The following NOS1 variants were observed in gnomAD, a reference collection of about 807,000 sequenced individuals.
NOS1 encodes nitric oxide synthase 1, also known as NOS type I.
NOS1 carries 51 observed loss-of-function variants against 164.5 expected under a neutral mutation model. The ratio of observed to expected loss-of-function variants is 0.31; its 90% CI spans 0.25 to 0.39. The LOEUF (loss-of-function observed/expected upper bound fraction) is 0.39, where lower values mean the gene tolerates loss of function less well. Among genes scored for constraint, NOS1 ranks in the 10% least tolerant of loss-of-function variants. NOS1 has a pLI of 1.00. For synonymous variants in NOS1, 719 were observed against 745.8 expected, an observed-to-expected ratio of 0.96 and a Z score of 0.59; for missense variants, 1,362 against 1,885.6, an observed-to-expected ratio of 0.72 and a Z score of 5.14.
intron 20 of NOS1, among the ~76,000 whole-genome samples, chr12:117,240,584 T>C (rs1265411292): frequency 1.3e-5 from 2 of 152,226 alleles, no homozygotes; most frequent in East Asian, 3.8e-4. Context: ...TCACTTGTGT[T>C]TTCTAGCTGT....
chr12:117,242,502 G>T (rs1360145273), intron 20 of NOS1, 125 bp downstream of exon 20: 1 of 789,496 alleles, frequency 1.3e-6, no homozygotes, highest in African/African-American at 1.7e-5. Flanking sequence ...GCAGCAAGGG[G>T]GTCTCTATGG....
chr12:117,286,191 G>A lies in NOS1; in HGVS notation c.1203C>T (p.Leu401=). The change falls in exon 6 of 29, where the codon CTC becomes CTT. Residue 401 remains leucine (L), a synonymous_variant. Transcript: ENST00000317775. ...KEIDTTSTYQ[L]KDTELIYGAK... ...CCCCATAGATGAGCTCTGTGTCCTTGAGCTGGTAAGTGCTAGTGGTGTCGA... is the reference window on the plus strand; with the variant it reads ...CCCCATAGATGAGCTCTGTGTCCTTAAGCTGGTAAGTGCTAGTGGTGTCGA... 1 of 1,614,190 alleles carries A rather than the reference G, an allele frequency of 6.2e-7. No homozygotes were observed. The highest frequency in any genetic ancestry group is 8.5e-7 in the Non-Finnish European group (1 of 1,180,044).
intron 7 of NOS1, among the ~76,000 whole-genome samples, chr12:117,282,812 T>C (rs1005140717): frequency 2.6e-5 from 4 of 152,158 alleles, no homozygotes; most frequent in Non-Finnish European, 5.9e-5. Flanking sequence ...GGTGTTTGTG[T>C]AATGTGTATA....
intron 5 of NOS1, 35 bp from the exon 6 acceptor site, chr12:117,286,301 C>T (rs1264876974): frequency 6.2e-7 from 1 of 1,609,370 alleles, no homozygotes; most frequent in Non-Finnish European, 8.5e-7. Flanking sequence ...GAACATCACC[C>T]CCTCTTCTGA....
rs1956571028 is a variant in NOS1 at position 117,214,380 on chromosome 12, G to A, written c.*929C>T. The A allele has an allele frequency of 1.0e-6, 1 of 985,040 alleles. No individual in the cohort carries two copies. Among genetic ancestry groups the A allele is most frequent in the Admixed American group, 6.2e-5 (1 of 16,248 alleles). 61.0% of individuals were successfully genotyped at this position (985,040 alleles called of 1,614,324 possible). A position where few individuals can be genotyped will look rare whatever the true frequency, so the allele number is the denominator to read the frequency against. Reference sequence around the variant, plus strand: ...ATCCTTATTGCCACCAGGCTTCTTTGAACAACATAACTTCCAGGCCCCTTG... The same window carrying A: ...ATCCTTATTGCCACCAGGCTTCTTTAAACAACATAACTTCCAGGCCCCTTG... On this transcript the variant is annotated 3_prime_UTR_variant, in exon 29 of 29. Transcript: ENST00000317775.
chr12:117,246,839 T>C (rs545656533), intron 18 of NOS1, among the ~76,000 whole-genome samples: 44 of 152,330 alleles, frequency 2.9e-4, no homozygotes, highest in South Asian at 1.7e-3. Context: ...GAATATTCCA[T>C]TGCATTGATG....
At chr12:117,287,103 T>A (rs931866265) in intron 5 of NOS1, among the ~76,000 whole-genome samples, 12 of 151,986 alleles carry the variant, frequency 7.9e-5, no homozygotes, top group Non-Finnish European at 1.8e-4. Context: ...TAATCCCAGC[T>A]ACTCAGGAGG....
rs770948047 is a variant in NOS1, at chr12:117,234,573, G to T, written c.3227C>A (p.Thr1076Lys). Residue 1076 changes from threonine (T) to lysine (K), a missense_variant, in exon 21 of 29, where the codon ACG (threonine) becomes AAG (lysine). Thr to Lys is a moderately conservative substitution (Grantham distance 78). Transcript: ENST00000317775. The surrounding 1 kb of genome is among the most constrained non-coding windows in gnomAD (Gnocchi z 4.3). ...GTCCCCGGGAATGTTACCTAAAGCC[G>T]TGTTCCGCTCCTCCAGCAGTTCCAC... ...VKVELLEERN[T>K]ALGVISNWTD... The T allele has an allele frequency of 1.9e-6, 3 of 1,613,482 alleles. No individual in the cohort carries two copies.
intron 13 of NOS1, among the ~76,000 whole-genome samples, chr12:117,261,908 T>C (rs1161587222): frequency 6.6e-6 from 1 of 152,162 alleles, no homozygotes; most frequent in Non-Finnish European, 1.5e-5. Flanking sequence ...CCAGTGTCTC[T>C]TCCTTCTGCT....
rs755161603 is a variant in NOS1 at position 117,258,473 on chromosome 12, T to C, written c.2473-18A>G. On this transcript the variant is annotated intron_variant, in intron 15 of 28. Transcript: ENST00000317775. Reference sequence around the variant, plus strand: ...CCGAATTTCTGGAAGCCAAAACATATGGGTGAAATTAGCACATCTTAGTAA... The same window carrying C: ...CCGAATTTCTGGAAGCCAAAACATACGGGTGAAATTAGCACATCTTAGTAA... The C allele has an allele frequency of 3.1e-6, 5 of 1,613,250 alleles. No individual in the cohort carries two copies. In the African/African-American group the frequency reaches 6.7e-5, roughly 22 times the overall value.
rs193265585 is a variant in NOS1, at chr12:117,243,922, A to G, written c.2824-487T>C. 6.6e-6 allele frequency among the ~76,000 whole-genome samples: 1 copy of G among 152,210 alleles called. No homozygotes were observed. Among genetic ancestry groups the G allele is most frequent in the Admixed American group, 6.5e-5 (1 of 15,294 alleles). ...CAGGCATGCATCCATCCATTCATCT[A>G]TCCATCCATCCATCCTATATATTTT... On this transcript the variant is annotated intron_variant, in intron 18 of 28. Transcript: ENST00000317775. This position sits in a 1 kb window ranked among gnomAD's most constrained non-coding sequence, Gnocchi z 4.3.
chr12:117,211,845 A>C lies in NOS1; in HGVS notation c.*3464T>G, dbSNP rs572303918. ...TTTGGGAGGCTGAGGTGCGTGGATC[A>C]TTTGAGGTCAGGAATTCAAGACCAG... On this transcript the variant is annotated 3_prime_UTR_variant, in exon 29 of 29. Coordinates refer to ENST00000317775, the MANE Select transcript of NOS1 (RefSeq NM_000620.5). 46 of 962,696 alleles carry C rather than the reference A, an allele frequency of 4.8e-5. No individual in the cohort carries two copies. The South Asian group carries it at 2.1e-3, about 43-fold the overall frequency. The allele number at this position is 962,696 out of a possible 1,614,324, so 59.6% of individuals were successfully genotyped here.
chr12:117,258,990 G>C lies in NOS1; in HGVS notation c.2472+36C>G, dbSNP rs41325947. On this transcript the variant is annotated intron_variant, in intron 15 of 28. Coordinates refer to ENST00000317775, the MANE Select transcript of NOS1 (RefSeq NM_000620.5). ...TGGCCCCTACTTCTTCCTGATGATG[G>C]AACCACACTCTTGAACAGGTAAAAG... 9.5e-4 allele frequency: 1,417 copies of C among 1,492,660 alleles called. 5 individuals are homozygous for C. Among genetic ancestry groups the C allele is most frequent in the African/African-American group, 8.8e-3 (641 of 72,506 alleles). 92.5% of individuals were successfully genotyped at this position (1,492,660 alleles called of 1,614,324 possible). A position where few individuals can be genotyped will look rare whatever the true frequency, so the allele number is the denominator to read the frequency against.
At position 117,213,133 on chromosome 12, in the gene NOS1, C is replaced by A. The variant is rs1956553563; in HGVS notation, c.*2176G>T. The A allele has an allele frequency of 3.0e-6, 3 of 985,280 alleles. No individual in the cohort carries two copies. In the African/African-American group the frequency reaches 5.2e-5, roughly 17 times the overall value. The allele number at this position is 985,280 out of a possible 1,614,324, so 61.0% of individuals were successfully genotyped here. ...TGTAAGCGCTTCTAAGTATTTATTCCCTGATGGAAAAGCATTCCTGCATAA... is the reference window on the plus strand; with the variant it reads ...TGTAAGCGCTTCTAAGTATTTATTCACTGATGGAAAAGCATTCCTGCATAA... On this transcript the variant is annotated 3_prime_UTR_variant, in exon 29 of 29. Transcript: ENST00000317775.
At chr12:117,307,686 CATGAACCTCTTGGTCCAT>C (rs2136051071) in intron 3 of NOS1, among the ~76,000 whole-genome samples, 1 of 152,160 alleles carries the variant, frequency 6.6e-6, no homozygotes, top group South Asian at 2.1e-4. Context: ...TTTCTTAAAA[CATGAACCTCTTGGTCCAT>C]CTCTACCTGC....
intron 1 of NOS1, among the ~76,000 whole-genome samples, chr12:117,334,150 C>G (rs984550596): frequency 1.3e-5 from 2 of 152,200 alleles, no homozygotes; most frequent in African/African-American, 4.8e-5. Context: ...GCAACAGCCC[C>G]TGGCCACTCT....
At chr12:117,301,701 A>G (rs1292348996) in intron 3 of NOS1, among the ~76,000 whole-genome samples, 1 of 152,178 alleles carries the variant, frequency 6.6e-6, no homozygotes, top group Admixed American at 6.5e-5. Flanking sequence ...CCCAGGAGGC[A>G]TAAATCACAT....
rs1956498850 is a variant in NOS1, at chr12:117,209,702, T to C, written c.*5607A>G. 1 of 985,358 alleles carries C rather than the reference T, an allele frequency of 1.0e-6. No individual in the cohort carries two copies. The highest frequency in any genetic ancestry group is 1.2e-6 in the Non-Finnish European group (1 of 829,960). The allele number at this position is 985,358 out of a possible 1,614,324, so 61.0% of individuals were successfully genotyped here. A position where few individuals can be genotyped will look rare whatever the true frequency, so the allele number is the denominator to read the frequency against. On this transcript the variant is annotated 3_prime_UTR_variant, in exon 29 of 29. Coordinates refer to ENST00000317775, the MANE Select transcript of NOS1 (RefSeq NM_000620.5). ...ATAAGTATTAATAGGAAACAGACTCTCGACAGACACTGCTTTCCACGGGTG... is the reference window on the plus strand; with the variant it reads ...ATAAGTATTAATAGGAAACAGACTCCCGACAGACACTGCTTTCCACGGGTG...
chr12:117,208,259 C>G lies in NOS1; in HGVS notation c.*7050G>C, dbSNP rs942524677. ...GAAGAAGAGCATGCGACAAACACAG[C>G]CTGGACAACCTCGCAAAGAGCGTGG... On this transcript the variant is annotated 3_prime_UTR_variant, in exon 29 of 29. Coordinates refer to ENST00000317775, the MANE Select transcript of NOS1 (RefSeq NM_000620.5). The G allele has an allele frequency of 1.0e-5, 13 of 1,283,264 alleles. No individual in the cohort carries two copies. Among genetic ancestry groups the G allele is most frequent in the African/African-American group, 4.6e-5 (3 of 65,764 alleles). The allele number at this position is 1,283,264 out of a possible 1,614,324, so 79.5% of individuals were successfully genotyped here. A position where few individuals can be genotyped will look rare whatever the true frequency, so the allele number is the denominator to read the frequency against.
Sources: allele counts gnomAD v4.1 joint callset (sites outside exome capture counted in the v4.1 genomes callset), GRCh38; gene constraint gnomAD v4.1.1; non-coding constraint Gnocchi (gnomAD v3.1); transcripts MANE v1.5; gene names NCBI Gene and HGNC (gene_info 2026-07-23, HGNC 2026-07-21).